The following RELN variants were observed in gnomAD, a reference collection of about 807,000 sequenced individuals.
RELN encodes the protein reelin.
Under a neutral mutation model 427.6 loss-of-function variants are expected in RELN, and 108 were observed. The observed-to-expected ratio is 0.25, with a 90% confidence interval of 0.22 to 0.30. The LOEUF (loss-of-function observed/expected upper bound fraction) is 0.30. Ranked by LOEUF, RELN falls within the 10% of genes least tolerant of loss-of-function variation. The probability of loss-of-function intolerance (pLI) is 1.00; values close to 1 mark genes in which losing one functional copy is unlikely to be tolerated. For missense variants in RELN, 3,715 were observed against 4,302.8 expected (o/e 0.86, Z 3.82); for synonymous variants, 1,524 against 1,513.4 (o/e 1.01, Z -0.16).
At chr7:103,641,866 G>T (rs899260516) in intron 16 of RELN, among the ~76,000 whole-genome samples, 2 of 152,182 alleles carry the variant, frequency 1.3e-5, no homozygotes, top group East Asian at 1.9e-4. Flanking sequence ...CAGCACACTT[G>T]ATTTTATGGC....
At chr7:103,485,171 G>C (rs1002972335) in intron 61 of RELN, among the ~76,000 whole-genome samples, 11 of 136,838 alleles carry the variant, frequency 8.0e-5, no homozygotes, top group African/African-American at 2.9e-4. Context: ...AGCTATATAT[G>C]ATGATGTTAC....
At chr7:103,965,387 C>A (rs1027386121) in intron 1 of RELN, among the ~76,000 whole-genome samples, 1 of 152,128 alleles carries the variant, frequency 6.6e-6, no homozygotes, top group African/African-American at 2.4e-5. Context: ...TTGCCCCAAG[C>A]AATTTTATCA....
intron 2 of RELN, among the ~76,000 whole-genome samples, chr7:103,846,870 G>GATGCCA (rs1406547194): frequency 1.8e-5 from 2 of 112,754 alleles, no homozygotes; most frequent in Non-Finnish European, 3.7e-5. Flanking sequence ...GCCACAGTGC[G>GATGCCA]ATGCCATCTC....
At chr7:103,681,298 C>T (rs1833647587) in intron 11 of RELN, among the ~76,000 whole-genome samples, 1 of 152,104 alleles carries the variant, frequency 6.6e-6, no homozygotes, top group South Asian at 2.1e-4. Context: ...TTGTTGAGAT[C>T]ACAGTGACAC....
intron 14 of RELN, among the ~76,000 whole-genome samples, chr7:103,652,265 T>TC (rs1341101986): frequency 1.3e-5 from 2 of 151,040 alleles, no homozygotes; most frequent in African/African-American, 4.9e-5. Flanking sequence ...TTTTTTTTTT[T>TC]CTCTCTTAGC....
chr7:103,906,918 G>T (rs1371110917), intron 2 of RELN, among the ~76,000 whole-genome samples: 3 of 152,152 alleles, frequency 2.0e-5, no homozygotes, highest in Non-Finnish European at 4.4e-5. Flanking sequence ...TCTAAGGAAT[G>T]TGGTGGTCTT....
intron 2 of RELN, among the ~76,000 whole-genome samples, chr7:103,851,332 G>C (rs111535654): frequency 4.9e-4 from 74 of 152,242 alleles, no homozygotes; most frequent in African/African-American, 1.8e-3. Flanking sequence ...TGGGGACTTG[G>C]GGGGAAGAGT....
chr7:103,955,812 C>T (rs967577155), intron 1 of RELN, among the ~76,000 whole-genome samples: 15 of 152,138 alleles, frequency 9.9e-5, no homozygotes, highest in Admixed American at 2.0e-4. Flanking sequence ...CAGGAAAAGC[C>T]CATCCCAGCT....
chr7:103,923,876 C>T (rs1358036524), intron 1 of RELN, among the ~76,000 whole-genome samples: 1 of 152,118 alleles, frequency 6.6e-6, no homozygotes, highest in Non-Finnish European at 1.5e-5. Flanking sequence ...AATAGCTAAA[C>T]AATATTTGAG....
chr7:103,781,411 G>A (rs1791885809), intron 3 of RELN, among the ~76,000 whole-genome samples: 2 of 152,070 alleles, frequency 1.3e-5, no homozygotes, highest in South Asian at 2.1e-4. Context: ...TAAGTCTCTA[G>A]AGGTTGGGTC....
chr7:103,688,241 T>C (rs1833802970), intron 10 of RELN, among the ~76,000 whole-genome samples: 1 of 152,138 alleles, frequency 6.6e-6, no homozygotes, highest in African/African-American at 2.4e-5. Flanking sequence ...GCCACAAGTC[T>C]AACTGAGCTC....
At chr7:103,939,557 C>T (rs1049920391) in intron 1 of RELN, among the ~76,000 whole-genome samples, 3 of 152,136 alleles carry the variant, frequency 2.0e-5, no homozygotes, top group African/African-American at 7.2e-5. Context: ...GTTGGTATAA[C>T]CATTCTTTGT....
intron 46 of RELN, among the ~76,000 whole-genome samples, chr7:103,527,991 G>A (rs1829861882): frequency 6.6e-6 from 1 of 152,150 alleles, no homozygotes; most frequent in Non-Finnish European, 1.5e-5. Flanking sequence ...AAAGAGTACA[G>A]CTGTTGTGGG....
intron 2 of RELN, among the ~76,000 whole-genome samples, chr7:103,881,233 T>C (rs1180915876): frequency 2.0e-5 from 3 of 152,168 alleles, no homozygotes; most frequent in Non-Finnish European, 4.4e-5. Flanking sequence ...TTGCTAAATG[T>C]AATGAACACT....
chr7:103,937,167 C>A (rs1000111201), intron 1 of RELN, among the ~76,000 whole-genome samples: 1 of 152,124 alleles, frequency 6.6e-6, no homozygotes, highest in Non-Finnish European at 1.5e-5. Flanking sequence ...AAATATCTGA[C>A]AGAAGTGGGC....
At chr7:103,621,633 G>A (rs1223179731) in intron 20 of RELN, among the ~76,000 whole-genome samples, 1 of 152,154 alleles carries the variant, frequency 6.6e-6, no homozygotes. Flanking sequence ...AGCAAGGCAG[G>A]GGGCAGGGGA....
chr7:103,652,161 A>T (rs2117390340), intron 14 of RELN, among the ~76,000 whole-genome samples: 1 of 152,150 alleles, frequency 6.6e-6, no homozygotes, highest in East Asian at 1.9e-4. Flanking sequence ...AGTGAAACTG[A>T]GAAGTCATAG....
intron 8 of RELN, among the ~76,000 whole-genome samples, chr7:103,706,066 A>G (rs1834193037): frequency 6.6e-6 from 1 of 152,112 alleles, no homozygotes; most frequent in African/African-American, 2.4e-5. Context: ...TTTCCTCTAT[A>G]CTTTCTTTTA....
At chr7:103,799,956 A>G (rs1198412366) in intron 3 of RELN, among the ~76,000 whole-genome samples, 2 of 151,074 alleles carry the variant, frequency 1.3e-5, no homozygotes, top group Non-Finnish European at 2.9e-5. Context: ...AAGGGCTTCG[A>G]AAAAATTCCA....
Sources: gnomAD v4.1 joint callset for allele counts (sites outside exome capture counted in the v4.1 genomes callset) on GRCh38, gnomAD v4.1.1 for gene constraint, MANE v1.5 for transcripts, NCBI Gene and HGNC (gene_info 2026-07-23, HGNC 2026-07-21) for gene names.